The following KSR2 variants were observed in gnomAD, a reference collection of about 807,000 sequenced individuals.
KSR2 encodes kinase suppressor of ras 2.
Under a neutral mutation model 107.8 loss-of-function variants are expected in KSR2, and 25 were observed. That is an observed-to-expected ratio of 0.23 (90% confidence interval 0.17 to 0.32). The LOEUF (loss-of-function observed/expected upper bound fraction) is 0.32, where lower values mean the gene tolerates loss of function less well. KSR2 is among the 10% of genes least tolerant of loss of function. The probability of loss-of-function intolerance (pLI) is 1.00; values close to 1 mark genes in which losing one functional copy is unlikely to be tolerated. For synonymous variants in KSR2, 480 were observed against 507.0 expected (o/e 0.95, Z 0.71); for missense variants, 887 against 1,268.9 (o/e 0.70, Z 4.57).
chr12:117,521,410 T>C (rs1453041213), intron 14 of KSR2, among the ~76,000 whole-genome samples: 1 of 152,192 alleles, frequency 6.6e-6, no homozygotes, highest in Non-Finnish European at 1.5e-5. Context: ...TGAGAGACAC[T>C]TTCACTCAAC....
intron 4 of KSR2, among the ~76,000 whole-genome samples, chr12:117,683,172 T>G (rs530214920): frequency 3.3e-5 from 5 of 152,094 alleles, no homozygotes; most frequent in Non-Finnish European, 7.4e-5. Flanking sequence ...TTTATAAAAA[T>G]AAAACACAAT....
In KSR2 at chr12:117,907,523, G is replaced by A. The variant is rs1415367846; in HGVS notation, c.181-47092C>T. On this transcript the variant is annotated intron_variant, in intron 1 of 19. Coordinates refer to ENST00000339824, the MANE Select transcript of KSR2 (RefSeq NM_173598.6). The surrounding 1 kb of genome is among the most constrained non-coding windows in gnomAD (Gnocchi z 4.3). ...AACTAATCTACGGGGCTGGATTGAC[G>A]TCAGCCACAGTGGAAACTGCTCTCC... 2.0e-5 allele frequency among the ~76,000 whole-genome samples: 3 copies of A among 152,132 alleles called. No homozygotes were observed. Among genetic ancestry groups the A allele is most frequent in the African/African-American group, 4.8e-5 (2 of 41,420 alleles).
intron 4 of KSR2, among the ~76,000 whole-genome samples, chr12:117,708,903 C>G (rs1489992728): frequency 6.6e-6 from 1 of 152,150 alleles, no homozygotes; most frequent in Non-Finnish European, 1.5e-5. Flanking sequence ...CCTTATAGTT[C>G]TAGAAGTTAG....
At chr12:117,859,966 C>T (rs1893233326) in intron 2 of KSR2, among the ~76,000 whole-genome samples, 1 of 152,226 alleles carries the variant, frequency 6.6e-6, no homozygotes, top group Admixed American at 6.5e-5. Flanking sequence ...CCACAGCCGG[C>T]AGCACAGATA....
chr12:117,703,139 G>A (rs1245408446), intron 4 of KSR2, among the ~76,000 whole-genome samples: 2 of 152,198 alleles, frequency 1.3e-5, no homozygotes, highest in African/African-American at 4.8e-5. Flanking sequence ...CAAAGAGAAA[G>A]GCAGATGGCT....
rs1565898176 is a variant in KSR2, at chr12:117,555,197, G to T, written c.1490C>A (p.Thr497Lys). 6.2e-7 allele frequency: 1 copy of T among 1,613,916 alleles called. No homozygotes were observed. The highest frequency in any genetic ancestry group is 8.5e-7 in the Non-Finnish European group (1 of 1,179,880). The change falls in exon 9 of 20, where the codon ACG (threonine) becomes AAG (lysine). Residue 497 changes from threonine (T) to lysine (K), a missense_variant. By Grantham distance (78) the Thr-to-Lys change is moderately conservative. Around this residue, in one of 8 missense-constraint regions of KSR2, gnomAD observed 60 missense variants for 77.5 expected, o/e 0.77. Transcript: ENST00000339824. ...GTTGATTTTGTTGGTTTTGGGGAGC[G>T]TCTGACTGATGTGCAGGTCTGAATA... ...PRYSDLHISQTLPKTNKINKD... is the reference protein window; with the variant it reads ...PRYSDLHISQKLPKTNKINKD...
intron 10 of KSR2, among the ~76,000 whole-genome samples, chr12:117,533,052 G>T (rs1030031831): frequency 1.1e-4 from 17 of 152,180 alleles, no homozygotes; most frequent in South Asian, 4.2e-4. Context: ...TGTAAAATGA[G>T]GATAATAACA....
intron 3 of KSR2, among the ~76,000 whole-genome samples, chr12:117,779,661 G>C (rs1197998306): frequency 1.3e-5 from 2 of 152,112 alleles, no homozygotes; most frequent in Non-Finnish European, 2.9e-5. Flanking sequence ...GAGTTCTCAT[G>C]AGATCTGATG....
rs541239788 is a variant in KSR2 at position 117,526,878 on chromosome 12, A to G, written c.1851+193T>C. Among the ~76,000 whole-genome samples the G allele has an allele frequency of 2.0e-5, 3 of 152,284 alleles. No individual in the cohort carries two copies. In the East Asian group the frequency reaches 5.8e-4, roughly 29 times the overall value. ...GGCTTTTCCATGATGCATGCCATAT[A>G]ATGGCCCATTAGACTCAGTGCTGGG... On this transcript the variant is annotated intron_variant, in intron 13 of 19. Transcript: ENST00000339824.
chr12:117,895,922 G>C (rs1243553074), intron 1 of KSR2, among the ~76,000 whole-genome samples: 1 of 152,156 alleles, frequency 6.6e-6, no homozygotes, highest in East Asian at 1.9e-4. Context: ...AGCTAGGTAT[G>C]GTGGTGGGTG....
chr12:117,539,670 C>T, intron 10 of KSR2, 49 bp downstream of exon 10: 2 of 1,504,968 alleles, frequency 1.3e-6, no homozygotes, highest in Non-Finnish European at 1.8e-6. Context: ...TCCCTAATCT[C>T]TGCCCCTCCA....
chr12:117,704,030 T>C (rs1258576640), intron 4 of KSR2, among the ~76,000 whole-genome samples: 1 of 152,216 alleles, frequency 6.6e-6, no homozygotes, highest in Non-Finnish European at 1.5e-5. Flanking sequence ...GGGCATTATT[T>C]GATCTGTGCA....
At chr12:117,541,296 C>T (rs4766858) in intron 9 of KSR2, among the ~76,000 whole-genome samples, 86,588 of 132,706 alleles carry the variant, frequency 0.65, 28,670 homozygotes, top group African/African-American at 0.73. Context: ...GGGAGGCAGG[C>T]AGGGAGGAAC....
chr12:117,524,288 G>A (rs572811824), intron 14 of KSR2, among the ~76,000 whole-genome samples: 7 of 152,244 alleles, frequency 4.6e-5, no homozygotes, highest in Non-Finnish European at 2.9e-5. Context: ...ACAAATACTT[G>A]GAATAGAGGG....
chr12:117,477,696 G>A (rs1871873829), intron 16 of KSR2, among the ~76,000 whole-genome samples: 1 of 152,120 alleles, frequency 6.6e-6, no homozygotes, highest in African/African-American at 2.4e-5. Context: ...TCCAACAAGG[G>A]CCCCATTCAG....
intron 10 of KSR2, among the ~76,000 whole-genome samples, chr12:117,535,616 G>A (rs936745950): frequency 4.6e-5 from 6 of 131,784 alleles, no homozygotes; most frequent in Non-Finnish European, 1.1e-4. Flanking sequence ...GTGTGTGTGT[G>A]TGTGTGTGTG....
intron 3 of KSR2, among the ~76,000 whole-genome samples, chr12:117,777,103 T>TATATATATATAC (rs1476110849): frequency 9.3e-6 from 1 of 107,648 alleles, no homozygotes; most frequent in African/African-American, 3.7e-5. Flanking sequence ...TATATATATA[T>TATATATATATAC]ATATACACAC....
chr12:117,793,572 C>G (rs1207770467), intron 3 of KSR2, among the ~76,000 whole-genome samples: 1 of 149,632 alleles, frequency 6.7e-6, no homozygotes, highest in Non-Finnish European at 1.5e-5. Context: ...AACATGCACA[C>G]ACCTTTACAC....
chr12:117,499,622 G>C (rs1426147966), intron 14 of KSR2, among the ~76,000 whole-genome samples: 6 of 152,218 alleles, frequency 3.9e-5, no homozygotes, highest in Non-Finnish European at 8.8e-5. Flanking sequence ...TGCTCCTTCT[G>C]TCTTTTGCAC....
Sources: gnomAD v4.1 joint callset for allele counts (sites outside exome capture counted in the v4.1 genomes callset) on GRCh38, gnomAD v4.1.1 for gene constraint, gnomAD v4.1.1 regional missense constraint, Gnocchi (gnomAD v3.1) non-coding constraint, MANE v1.5 for transcripts, NCBI Gene and HGNC (gene_info 2026-07-23, HGNC 2026-07-21) for gene names.